The following CROCC variants were observed in gnomAD, a reference collection of about 807,000 sequenced individuals.
The protein encoded by CROCC is ciliary rootlet coiled-coil, rootletin, also known as rootletin.
A neutral mutation model predicts 245.2 loss-of-function variants in CROCC; 180 were observed. The observed-to-expected ratio is 0.73, with a 90% CI of 0.65 to 0.83. The LOEUF (loss-of-function observed/expected upper bound fraction) is 0.83, where lower values mean the gene tolerates loss of function less well. CROCC is among the 40% of genes least tolerant of loss of function. The pLI, the probability that CROCC is intolerant of heterozygous loss-of-function variation, is 0.00. For missense variants in CROCC, 2,688 were observed against 2,779.4 expected, an observed-to-expected ratio of 0.97 and a Z score of 0.74; for synonymous variants, 1,205 against 1,241.6, an observed-to-expected ratio of 0.97 and a Z score of 0.62.
intron 10 of CROCC, 146 bp downstream of exon 10, chr1:16,937,883 G>T (rs375161152): frequency 1.7e-5 from 12 of 720,822 alleles, no homozygotes; most frequent in Non-Finnish European, 2.9e-5. Flanking sequence ...TGCAGGCTTT[G>T]TGGGAAGCAC....
chr1:16,966,269 G>A lies in CROCC; in HGVS notation c.4697-139G>A, dbSNP rs2076416262. ...GGACCCTCCTTGGACAGCCTCACCT[G>A]TGTGCAGGCCCGCATACTACGAAGG... On this transcript the variant is annotated intron_variant, in intron 29 of 36. Transcript: ENST00000375541. This position sits in a 1 kb window ranked among gnomAD's most constrained non-coding sequence, Gnocchi z 4.8. 1.4e-6 allele frequency: 2 copies of A among 1,433,414 alleles called. No homozygotes were observed. The highest frequency in any genetic ancestry group is 2.8e-5 in the African/African-American group (2 of 70,472). The allele number at this position is 1,433,414 out of a possible 1,614,324, so 88.8% of individuals were successfully genotyped here.
At chr1:16,940,501 C>G (rs2075906130) in intron 13 of CROCC, among the ~76,000 whole-genome samples, 1 of 152,214 alleles carries the variant, frequency 6.6e-6, no homozygotes, top group Non-Finnish European at 1.5e-5. Context: ...CAATTCTCAC[C>G]TCAGCCTCTG....
At chr1:16,955,971 C>T (rs1481421588) in intron 24 of CROCC, 26 bp from the exon 25 acceptor site, 2 of 1,548,758 alleles carry the variant, frequency 1.3e-6, no homozygotes, top group South Asian at 2.4e-5. Context: ...GGACCCAGGG[C>T]AGCCCCTGAC....
intron 27 of CROCC, among the ~76,000 whole-genome samples, chr1:16,962,143 A>ATTG (rs1352779503): frequency 6.7e-6 from 1 of 149,158 alleles, no homozygotes; most frequent in Non-Finnish European, 1.5e-5. Flanking sequence ...GCTCACTGCA[A>ATTG]CCTCTGCCTC....
upstream of CROCC, among the ~76,000 whole-genome samples, chr1:16,921,796 G>A (rs2075410590): frequency 6.6e-6 from 1 of 152,002 alleles, no homozygotes; most frequent in African/African-American, 2.4e-5. Flanking sequence ...CTCTTCCTTT[G>A]GCTCCCTGCC....
rs776453772 is a variant in CROCC, at chr1:16,936,711, C to A, written c.1031C>A (p.Thr344Lys). The change falls in exon 9 of 37, where the codon ACG becomes AAG. Residue 344 changes from threonine to lysine, a missense_variant. This residue lies in a region of CROCC where 972 missense variants were observed against 895.3 expected (regional missense o/e 1.09). Transcript: ENST00000375541. ...AVQEAGLGLSTGLRLAESRAE... is the reference protein window; with the variant it reads ...AVQEAGLGLSKGLRLAESRAE... The stretch of plus-strand genomic sequence containing the variant: ...CAGGAGGCGGGCCTGGGACTGAGCA[C>A]GGGCCTACGGCTGGCAGAGAGCCGG... 1.9e-6 allele frequency: 3 copies of A among 1,606,026 alleles called. No homozygotes were observed. The African/African-American group carries it at 4.0e-5, about 21-fold the overall frequency.
At chr1:16,948,044 G>C (rs2076088439) in intron 17 of CROCC, among the ~76,000 whole-genome samples, 2 of 152,258 alleles carry the variant, frequency 1.3e-5, no homozygotes, top group Non-Finnish European at 2.9e-5. Context: ...TCACCCCGTT[G>C]GCCAGGCTGG....
chr1:16,948,385 G>C lies in CROCC; in HGVS notation c.2569G>C (p.Ala857Pro). 1 of 1,578,292 alleles carries C rather than the reference G, an allele frequency of 6.3e-7. No individual in the cohort carries two copies. Among genetic ancestry groups the C allele is most frequent in the African/African-American group, 1.3e-5 (1 of 74,728 alleles). ...GGAGCTGGAGCAGGCCCGGCGGGAG[G>C]CCCAGCGGCAAGTGGAGGCGCTGGA... ...EQELEQARRE[A>P]QRQVEALERA... The change falls in exon 18 of 37, where the codon GCC becomes CCC. Residue 857 changes from alanine (A) to proline (P), a missense_variant. By Grantham distance (27) the Ala-to-Pro change is conservative (BLOSUM62 -1). Transcript: ENST00000375541.
At chr1:16,944,422 C>T (rs2076002366) in intron 14 of CROCC, 140 bp downstream of exon 14, 3 of 970,068 alleles carry the variant, frequency 3.1e-6, no homozygotes, top group Non-Finnish European at 4.2e-6. Flanking sequence ...GGTTTTCTAA[C>T]CAGACCCATT....
chr1:16,947,855 T>G (rs1333060966), intron 17 of CROCC, among the ~76,000 whole-genome samples: 1 of 152,262 alleles, frequency 6.6e-6, no homozygotes, highest in Non-Finnish European at 1.5e-5. Context: ...TGTTTTTTTT[T>G]CCAGACAGAG....
intron 13 of CROCC, among the ~76,000 whole-genome samples, chr1:16,942,920 A>T (rs1416992190): frequency 1.3e-5 from 2 of 152,264 alleles, no homozygotes; most frequent in Non-Finnish European, 2.9e-5. Context: ...AGCCTGGCCA[A>T]CATGGCGAAA....
chr1:16,929,777 C>A, intron 3 of CROCC, 69 bp from the exon 4 acceptor site: 4 of 1,453,442 alleles, frequency 2.8e-6, no homozygotes, highest in Non-Finnish European at 3.6e-6. Context: ...CAGCCTGCCA[C>A]GCCCTACAGA....
intron 9 of CROCC, 24 bp downstream of exon 9, chr1:16,936,897 C>A (rs564247260): frequency 1.9e-6 from 3 of 1,589,950 alleles, no homozygotes; most frequent in South Asian, 1.1e-5. Flanking sequence ...GGATGCCGCA[C>A]GAGGCAGGCG....
intron 21 of CROCC, 196 bp downstream of exon 21, chr1:16,953,677 CAGTG>C (rs1317874583): frequency 8.8e-6 from 5 of 567,222 alleles, no homozygotes; most frequent in Middle Eastern, 4.6e-4. Flanking sequence ...GCCTGGCACA[CAGTG>C]AGCACTTACT....
intron 35 of CROCC, chr1:16,970,975 C>T (rs1570726296): frequency 1.9e-6 from 1 of 514,600 alleles, no homozygotes; most frequent in Non-Finnish European, 3.3e-6. Flanking sequence ...GCACGTGAGC[C>T]TGTGGGTTCA....
At chr1:16,963,769 C>G (rs963882240) in intron 27 of CROCC, among the ~76,000 whole-genome samples, 1 of 151,894 alleles carries the variant, frequency 6.6e-6, no homozygotes, top group Admixed American at 6.6e-5. Flanking sequence ...CCTGAAACTT[C>G]CCAGCATTGA....
intron 26 of CROCC, among the ~76,000 whole-genome samples, chr1:16,959,959 AC>A (rs2076303639): frequency 6.6e-6 from 1 of 151,138 alleles, no homozygotes; most frequent in African/African-American, 2.5e-5. Flanking sequence ...AAAACAAAAA[AC>A]AAAAAAAAAA....
chr1:16,923,194 C>T (rs1329874817), intron 2 of CROCC, among the ~76,000 whole-genome samples: 1 of 152,268 alleles, frequency 6.6e-6, no homozygotes, highest in Admixed American at 6.5e-5. Context: ...ATCCGTTTCC[C>T]ACGTGGGCAG....
chr1:16,971,205 G>A (rs1277211417), intron 35 of CROCC, among the ~76,000 whole-genome samples: 4 of 127,056 alleles, frequency 3.1e-5, no homozygotes, highest in African/African-American at 6.0e-5. Flanking sequence ...TGTGTATGAT[G>A]TCTGAGTGTG....
Sources: gnomAD v4.1 joint callset for allele counts (sites outside exome capture counted in the v4.1 genomes callset) on GRCh38, gnomAD v4.1.1 for gene constraint, gnomAD v4.1.1 regional missense constraint, Gnocchi (gnomAD v3.1) non-coding constraint, MANE v1.5 for transcripts, NCBI Gene and HGNC (gene_info 2026-07-23, HGNC 2026-07-21) for gene names.